Variants in MXD4 observed in about 807,000 individuals in gnomAD.
The protein encoded by MXD4 is MAX dimerization protein 4, also known as Mad4 homolog.
MXD4 carries 16 observed loss-of-function variants against 24.5 expected under a neutral mutation model. The observed-to-expected ratio is 0.65, with a 90% CI of 0.44 to 0.99. The LOEUF (loss-of-function observed/expected upper bound fraction) is 0.99, where lower values mean the gene tolerates loss of function less well. Among genes scored for constraint, MXD4 ranks in the 50% least tolerant of loss-of-function variants. The pLI is 0.00. For missense variants in MXD4, 301 were observed against 301.5 expected, an observed-to-expected ratio of 1.00 and a Z score of 0.01; for synonymous variants, 164 against 134.2, an observed-to-expected ratio of 1.22 and a Z score of -1.54.
intron 3 of MXD4, chr4:2,253,760 A>C (rs897878671): frequency 3.3e-5 from 5 of 152,348 alleles, no homozygotes; most frequent in Admixed American, 2.0e-4. Context: ...TGCTGGGTGC[A>C]GCGGTAACAG....
chr4:2,260,451 T>C (rs1735516569), intron 2 of MXD4: 2 of 424,316 alleles, frequency 4.7e-6, no homozygotes, highest in Admixed American at 5.0e-5. Flanking sequence ...AGGACGCTGG[T>C]TGTCAGCTTT....
At chr4:2,252,855 G>A (rs1298816199) in intron 3 of MXD4, 2 of 275,258 alleles carry the variant, frequency 7.3e-6, no homozygotes, top group African/African-American at 5.0e-5. Context: ...CACATGCAGG[G>A]AGGGGTGGGG....
At chr4:2,251,055 G>T in intron 5 of MXD4, 29 bp downstream of exon 5, 1 of 1,524,898 alleles carries the variant, frequency 6.6e-7, no homozygotes, top group Non-Finnish European at 8.8e-7. Flanking sequence ...GGAGGCCCAG[G>T]TGAGGCTGCC....
rs769019632 is a variant in MXD4, at chr4:2,261,754, G to T, written c.135C>A (p.Ala45=). 1 of 1,428,160 alleles carries T rather than the reference G, an allele frequency of 7.0e-7. No homozygotes were observed. Among genetic ancestry groups the T allele is most frequent in the Non-Finnish European group, 9.2e-7 (1 of 1,084,002 alleles). 88.5% of individuals were successfully genotyped at this position (1,428,160 alleles called of 1,614,324 possible). ...GDFAREKTKA[A]GLVRKAPNNR... is the part of the protein sequence containing the mutation. ...TGTTCGGGGCCTTGCGCACCAGGCC[G>T]GCCGCCTTTGTTTTCTCCCTGGCGA... Residue 45 remains alanine, a synonymous_variant, in exon 2 of 6, where the codon GCC becomes GCA. Coordinates refer to ENST00000337190, the MANE Select transcript of MXD4 (RefSeq NM_006454.3).
rs1735258079 is a variant in MXD4, at chr4:2,249,113, G to GAT, written c.*1430_*1431insAT. ...ACAGCCCCTCCGTGCCACCCACAGG[G>GAT]GCCTGGCTGCATCGCCTCCAGGAAG... On this transcript the variant is annotated 3_prime_UTR_variant, in exon 6 of 6. Coordinates refer to ENST00000337190, the MANE Select transcript of MXD4 (RefSeq NM_006454.3). The GAT allele has an allele frequency of 1.3e-5, 2 of 152,514 alleles. No homozygotes were observed. The highest frequency in any genetic ancestry group is 1.3e-4 in the Admixed American group (2 of 15,294). 9.4% of individuals were successfully genotyped at this position (152,514 alleles called of 1,614,324 possible). A position where few individuals can be genotyped will look rare whatever the true frequency, so the allele number is the denominator to read the frequency against.
rs1472040132 is a variant in MXD4 at position 2,250,187 on chromosome 4, G to A, written c.*357C>T. ...TCCAGGGTTGGGGTCTGAGCTCCCT[G>A]TGGTGGTCATTAAGCCCCTCACACG... On this transcript the variant is annotated 3_prime_UTR_variant, in exon 6 of 6. Transcript: ENST00000337190. The A allele has an allele frequency of 3.6e-6, 1 of 275,806 alleles. No individual in the cohort carries two copies. 17.1% of individuals were successfully genotyped at this position (275,806 alleles called of 1,614,324 possible).
chr4:2,260,014 G>T (rs1401113857), intron 2 of MXD4, among the ~76,000 whole-genome samples: 1 of 152,236 alleles, frequency 6.6e-6, no homozygotes, highest in Non-Finnish European at 1.5e-5. Flanking sequence ...CAGGGGCTCA[G>T]AGATCCTCTG....
intron 2 of MXD4, among the ~76,000 whole-genome samples, chr4:2,259,309 G>A (rs1244442872): frequency 6.6e-6 from 1 of 152,180 alleles, no homozygotes; most frequent in Non-Finnish European, 1.5e-5. Context: ...CAGGTCTCAG[G>A]GTCCGGGAGG....
Position 2,251,086 on chromosome 4 carries a change from T to A in MXD4, c.470A>T (p.Gln157Leu). Reference protein sequence around the residue: ...GSAVSTDDSEQEVDIEGMEFG... With the variant: ...GSAVSTDDSELEVDIEGMEFG... ...CTGCCCCGCGCCCCACGCCCCACCTTGCTCTGAGTCGTCCGTGGAGACAGC... is the reference window on the plus strand; with the variant it reads ...CTGCCCCGCGCCCCACGCCCCACCTAGCTCTGAGTCGTCCGTGGAGACAGC... The change falls in exon 5 of 6, where the codon CAA (glutamine) becomes CTA (leucine). Residue 157 changes from glutamine (Q) to leucine (L), a missense_variant and splice_region_variant. Physicochemically the swap from Gln to Leu is moderately radical, Grantham distance 113. Transcript: ENST00000337190. 1.3e-6 allele frequency: 2 copies of A among 1,564,506 alleles called. No homozygotes were observed. The highest frequency in any genetic ancestry group is 1.7e-6 in the Non-Finnish European group (2 of 1,147,894).
chr4:2,249,505 C>A lies in MXD4; in HGVS notation c.*1039G>T, dbSNP rs1214253962. 1 of 151,608 alleles carries A rather than the reference C, an allele frequency of 6.6e-6. No individual in the cohort carries two copies. The highest frequency in any genetic ancestry group is 2.4e-5 in the African/African-American group (1 of 41,206). The allele number at this position is 151,608 out of a possible 1,614,324, so 9.4% of individuals were successfully genotyped here. A position where few individuals can be genotyped will look rare whatever the true frequency, so the allele number is the denominator to read the frequency against. On this transcript the variant is annotated 3_prime_UTR_variant, in exon 6 of 6. Transcript: ENST00000337190. ...GCCAGCTGAAGCTGCCGCAGCAGAG[C>A]TCATGAGAAGCCCTTTCCTAAGGTG...
At position 2,250,073 on chromosome 4, in the gene MXD4, A is replaced by G. The variant is rs1400453252; in HGVS notation, c.*471T>C. Reference sequence around the variant, plus strand: ...GACCCCTTGTCCACGCCAGGAGCCTATGTGGACTGACAGGTAGGTGGACAG... The same window carrying G: ...GACCCCTTGTCCACGCCAGGAGCCTGTGTGGACTGACAGGTAGGTGGACAG... On this transcript the variant is annotated 3_prime_UTR_variant, in exon 6 of 6. Transcript: ENST00000337190. 1 of 163,570 alleles carries G rather than the reference A, an allele frequency of 6.1e-6. No homozygotes were observed. The allele number at this position is 163,570 out of a possible 1,614,324, so 10.1% of individuals were successfully genotyped here.
intron 2 of MXD4, among the ~76,000 whole-genome samples, chr4:2,259,822 C>G (rs889617812): frequency 6.6e-6 from 1 of 152,180 alleles, no homozygotes; most frequent in Non-Finnish European, 1.5e-5. Context: ...CCCGTGACCC[C>G]AGGAGACAAG....
At chr4:2,257,006 G>C (rs555486970) in intron 3 of MXD4, among the ~76,000 whole-genome samples, 2 of 152,284 alleles carry the variant, frequency 1.3e-5, no homozygotes, top group African/African-American at 4.8e-5. Flanking sequence ...CCCCACCTCT[G>C]TGGCCTCTAG....
At chr4:2,259,135 G>A (rs553918347) in intron 2 of MXD4, 128 of 342,300 alleles carry the variant, frequency 3.7e-4, no homozygotes, top group African/African-American at 2.6e-3. Context: ...CTGCCCTCAG[G>A]ACCTGGCTCC....
chr4:2,260,162 G>A (rs982121417), intron 2 of MXD4, among the ~76,000 whole-genome samples: 2 of 152,222 alleles, frequency 1.3e-5, no homozygotes, highest in African/African-American at 4.8e-5. Flanking sequence ...GCCCAGAGGA[G>A]CCAGGGGAGA....
intron 2 of MXD4, chr4:2,258,997 C>T (rs1321909298): frequency 2.2e-6 from 1 of 455,116 alleles, no homozygotes; most frequent in South Asian, 1.6e-5. Context: ...TCCAGGCCAC[C>T]TTCCGTGTCC....
chr4:2,261,209 G>C (rs1488862577), intron 2 of MXD4, among the ~76,000 whole-genome samples: 2 of 152,226 alleles, frequency 1.3e-5, no homozygotes, highest in African/African-American at 4.8e-5. Flanking sequence ...GCCTCCACTC[G>C]CTTCTCTGTC....
chr4:2,261,655 G>A lies in MXD4; in HGVS notation c.164+70C>T, dbSNP rs539339538. The stretch of plus-strand genomic sequence containing the variant: ...GGCCGCGGGCCGGGAATCGGGGCCC[G>A]GAGAGCACGCTCCGGGCGGGGGCGG... On this transcript the variant is annotated intron_variant, in intron 2 of 5. Transcript: ENST00000337190. The A allele has an allele frequency of 2.9e-4, 284 of 964,024 alleles. 2 individuals are homozygous for A. The highest frequency in any genetic ancestry group is 2.0e-3 in the South Asian group (50 of 24,974). 59.7% of individuals were successfully genotyped at this position (964,024 alleles called of 1,614,324 possible).
At chr4:2,251,990 C>T (rs1451931908) in intron 4 of MXD4, among the ~76,000 whole-genome samples, 1 of 152,042 alleles carries the variant, frequency 6.6e-6, no homozygotes, top group Non-Finnish European at 1.5e-5. Context: ...CACCCTGGCA[C>T]CCCCATCAGG....
Sources: allele counts gnomAD v4.1 joint callset (sites outside exome capture counted in the v4.1 genomes callset), GRCh38; gene constraint gnomAD v4.1.1; transcripts MANE v1.5; gene names NCBI Gene and HGNC (gene_info 2026-07-23, HGNC 2026-07-21).